The following BMPR2 variants were observed in gnomAD, a reference collection of about 807,000 sequenced individuals.
BMPR2 encodes the protein bone morphogenetic protein receptor type 2, also known as bone morphogenetic protein receptor type-2.
BMPR2 carries 29 observed loss-of-function variants against 100.8 expected under a neutral mutation model. That is an observed-to-expected ratio of 0.29 (90% CI 0.21 to 0.39). The LOEUF is 0.39. Ranked by LOEUF, BMPR2 falls within the 10% of genes least tolerant of loss-of-function variation. The pLI, the probability that BMPR2 is intolerant of heterozygous loss-of-function variation, is 1.00. For missense variants in BMPR2, 1,011 were observed against 1,274.5 expected, an observed-to-expected ratio of 0.79 and a Z score of 3.15; for synonymous variants, 382 against 442.3, an observed-to-expected ratio of 0.86 and a Z score of 1.71.
intron 3 of BMPR2, among the ~76,000 whole-genome samples, chr2:202,470,542 A>G (rs1432475155): frequency 6.7e-6 from 1 of 150,358 alleles, no homozygotes; most frequent in Non-Finnish European, 1.5e-5. Context: ...CAGCTGGATC[A>G]TGAGGTCAGG....
At chr2:202,551,339 AC>A (rs1688473490) in intron 10 of BMPR2, among the ~76,000 whole-genome samples, 1 of 130,270 alleles carries the variant, frequency 7.7e-6, no homozygotes, top group African/African-American at 2.9e-5. Context: ...ACATAGTGAA[AC>A]CCCGTCTCTA....
chr2:202,540,973 A>G (rs1326012697), intron 9 of BMPR2, among the ~76,000 whole-genome samples: 1 of 152,134 alleles, frequency 6.6e-6, no homozygotes, highest in African/African-American at 2.4e-5. Context: ...GGGGTCTTCT[A>G]TGTGGTTCAA....
At chr2:202,551,243 G>A (rs1239756684) in intron 10 of BMPR2, among the ~76,000 whole-genome samples, 1 of 151,598 alleles carries the variant, frequency 6.6e-6, no homozygotes, top group Non-Finnish European at 1.5e-5. Context: ...CTGGCCAGGC[G>A]CAGTGACTCA....
intron 3 of BMPR2, among the ~76,000 whole-genome samples, chr2:202,508,983 T>G (rs568677130): frequency 1.3e-5 from 2 of 152,314 alleles, no homozygotes; most frequent in African/African-American, 4.8e-5. Context: ...GTTGACAAAT[T>G]TGAAAAGATA....
intron 1 of BMPR2, among the ~76,000 whole-genome samples, chr2:202,460,720 A>G (rs991903496): frequency 6.6e-6 from 1 of 152,048 alleles, no homozygotes; most frequent in Non-Finnish European, 1.5e-5. Context: ...ATATGGATCC[A>G]TGTCATCATT....
intron 1 of BMPR2, among the ~76,000 whole-genome samples, chr2:202,457,339 T>G (rs188553303): frequency 3.9e-5 from 6 of 151,990 alleles, no homozygotes; most frequent in East Asian, 1.9e-4. Context: ...GGTTTTTTTT[T>G]TGTGCTCAGC....
chr2:202,518,419 T>TG (rs879706040), intron 5 of BMPR2, among the ~76,000 whole-genome samples: 2 of 152,158 alleles, frequency 1.3e-5, no homozygotes, highest in Non-Finnish European at 2.9e-5. Flanking sequence ...ATTACAGGCA[T>TG]GAGCCACCAC....
chr2:202,486,171 A>C (rs558387368), intron 3 of BMPR2, among the ~76,000 whole-genome samples: 175 of 152,350 alleles, frequency 1.1e-3, no homozygotes, highest in African/African-American at 4.1e-3. Flanking sequence ...TAAGAAAGAA[A>C]GGATATTTAG....
intron 1 of BMPR2, among the ~76,000 whole-genome samples, chr2:202,407,876 C>T (rs1476366557): frequency 2.6e-5 from 4 of 151,328 alleles, no homozygotes; most frequent in African/African-American, 9.7e-5. Flanking sequence ...CTTTGTAGCC[C>T]AGGCTGAAGT....
In BMPR2 at chr2:202,516,302, T is replaced by A. The variant is rs574492607; in HGVS notation, c.621+1323T>A. 5.9e-5 allele frequency among the ~76,000 whole-genome samples: 9 copies of A among 152,260 alleles called. No individual in the cohort carries two copies. The South Asian group carries it at 6.2e-4, about 11-fold the overall frequency. Reference sequence around the variant, plus strand: ...ATAAAAGCCAAATTTGAAAAATAAATTTCAACATTTCAACATATAAGGGAA... The same window carrying A: ...ATAAAAGCCAAATTTGAAAAATAAAATTCAACATTTCAACATATAAGGGAA... On this transcript the variant is annotated intron_variant, in intron 5 of 12. Transcript: ENST00000374580.
At chr2:202,444,922 GGGATTACA>G (rs1691822009) in intron 1 of BMPR2, among the ~76,000 whole-genome samples, 1 of 150,514 alleles carries the variant, frequency 6.6e-6, no homozygotes, top group African/African-American at 2.5e-5. Context: ...CCAAGTAGCT[GGGATTACA>G]GGCATGCGCC....
chr2:202,426,932 T>C (rs1036088223), intron 1 of BMPR2, among the ~76,000 whole-genome samples: 4 of 152,138 alleles, frequency 2.6e-5, no homozygotes, highest in Non-Finnish European at 5.9e-5. Context: ...GAGATTGGAT[T>C]ATAAGAGGAT....
chr2:202,463,976 A>G (rs1692270201), intron 1 of BMPR2, among the ~76,000 whole-genome samples: 1 of 152,098 alleles, frequency 6.6e-6, no homozygotes, highest in Admixed American at 6.6e-5. Context: ...CCTGACCAAC[A>G]TGGAGAAACC....
At chr2:202,459,375 G>C (rs1692182007) in intron 1 of BMPR2, among the ~76,000 whole-genome samples, 1 of 152,120 alleles carries the variant, frequency 6.6e-6, no homozygotes, top group African/African-American at 2.4e-5. Flanking sequence ...TACATGTGCA[G>C]GTTTGTTATA....
At chr2:202,466,070 AAC>A (rs1019771753) in intron 2 of BMPR2, among the ~76,000 whole-genome samples, 2 of 152,222 alleles carry the variant, frequency 1.3e-5, no homozygotes, top group African/African-American at 4.8e-5. Flanking sequence ...TGCATAGTGA[AAC>A]ACAGTTGTTC....
chr2:202,445,488 A>G (rs1001357133), intron 1 of BMPR2, among the ~76,000 whole-genome samples: 1 of 150,252 alleles, frequency 6.7e-6, no homozygotes, highest in Non-Finnish European at 1.5e-5. Context: ...CAGCCTCCCA[A>G]AGTGCTGGGA....
chr2:202,405,552 G>C lies in BMPR2; in HGVS notation c.76+28002G>C, dbSNP rs529846965. 3.9e-5 allele frequency among the ~76,000 whole-genome samples: 6 copies of C among 152,014 alleles called. No individual in the cohort carries two copies. In the East Asian group the frequency reaches 1.2e-3, roughly 29 times the overall value. On this transcript the variant is annotated intron_variant, in intron 1 of 12. Coordinates refer to ENST00000374580, the MANE Select transcript of BMPR2 (RefSeq NM_001204.7). ...AAATACAAAAAATTAGATGGGTGTG[G>C]TGGCGGGCACCCATAGTCCCAGCTA... is the stretch of plus-strand genomic sequence containing the variant.
rs1385824600 is a variant in BMPR2, at chr2:202,562,639, A to T, written c.*2693A>T. 1 of 152,244 alleles carries T rather than the reference A, an allele frequency of 6.6e-6. No homozygotes were observed. The highest frequency in any genetic ancestry group is 1.5e-5 in the Non-Finnish European group (1 of 68,016). The allele number at this position is 152,244 out of a possible 1,614,324, so 9.4% of individuals were successfully genotyped here. ...CTTTTGAATAAAAGATCATTCAACT[A>T]AAAATATTAAAATTTATTTCACTGG... On this transcript the variant is annotated 3_prime_UTR_variant, in exon 13 of 13. Transcript: ENST00000374580.
intron 9 of BMPR2, among the ~76,000 whole-genome samples, chr2:202,540,365 G>A (rs1688248531): frequency 1.3e-5 from 2 of 152,016 alleles, no homozygotes; most frequent in Non-Finnish European, 2.9e-5. Context: ...TATCACATGG[G>A]GTTTCAAGGA....
Sources: allele counts gnomAD v4.1 joint callset (sites outside exome capture counted in the v4.1 genomes callset), GRCh38; gene constraint gnomAD v4.1.1; transcripts MANE v1.5; gene names NCBI Gene and HGNC (gene_info 2026-07-23, HGNC 2026-07-21).